The following PRKG1 variants were observed in gnomAD, a reference collection of about 807,000 sequenced individuals.
The protein encoded by PRKG1 is protein kinase cGMP-dependent 1.
Under a neutral mutation model 88.1 loss-of-function variants are expected in PRKG1, and 35 were observed. That is an observed-to-expected ratio of 0.40 (90% confidence interval 0.30 to 0.53). The LOEUF (loss-of-function observed/expected upper bound fraction) is 0.53. Ranked by LOEUF, PRKG1 falls within the 20% of genes least tolerant of loss-of-function variation. PRKG1 has a pLI of 0.59. For missense variants in PRKG1, 540 were observed against 839.8 expected (o/e 0.64, Z 4.41); for synonymous variants, 303 against 292.5 (o/e 1.04, Z -0.37).
chr10:51,284,985 G>A (rs1006649230), intron 2 of PRKG1, among the ~76,000 whole-genome samples: 4 of 144,046 alleles, frequency 2.8e-5, no homozygotes, highest in Admixed American at 1.4e-4. Flanking sequence ...ATGCTGGTGC[G>A]CTGCACCCAC....
chr10:51,019,726 T>G (rs1843111585), intron 1 of PRKG1, among the ~76,000 whole-genome samples: 1 of 150,602 alleles, frequency 6.6e-6, no homozygotes, highest in Non-Finnish European at 1.5e-5. Context: ...TGGGAGAAAA[T>G]ATTTGCAAAT....
intron 2 of PRKG1, among the ~76,000 whole-genome samples, chr10:51,386,195 G>A (rs1837244722): frequency 6.6e-6 from 1 of 152,102 alleles, no homozygotes; most frequent in Admixed American, 6.6e-5. Flanking sequence ...GGTGAACTGA[G>A]AGCAATAAAA....
chr10:52,192,113 T>A (rs1839379061), intron 9 of PRKG1, among the ~76,000 whole-genome samples: 1 of 152,210 alleles, frequency 6.6e-6, no homozygotes, highest in African/African-American at 2.4e-5. Context: ...TTTTTGGTAT[T>A]ATGAATTTGT....
intron 3 of PRKG1, among the ~76,000 whole-genome samples, chr10:51,684,959 G>A (rs1039468064): frequency 6.6e-6 from 1 of 151,952 alleles, no homozygotes; most frequent in African/African-American, 2.4e-5. Context: ...GGTTTTCATT[G>A]CCTCTATAAT....
chr10:50,996,544 A>G (rs1842838808), intron 1 of PRKG1, among the ~76,000 whole-genome samples: 1 of 152,218 alleles, frequency 6.6e-6, no homozygotes, highest in Non-Finnish European at 1.5e-5. Flanking sequence ...CTGCTGTGCC[A>G]GGCTGGAATT....
intron 4 of PRKG1, among the ~76,000 whole-genome samples, chr10:51,839,159 AC>A (rs1442437458): frequency 1.2e-4 from 11 of 92,754 alleles, no homozygotes; most frequent in Non-Finnish European, 2.2e-4. Context: ...TATTTTTTTA[AC>A]AGTTGGTTGA....
intron 3 of PRKG1, among the ~76,000 whole-genome samples, chr10:51,560,152 G>A (rs1278280361): frequency 1.3e-5 from 2 of 152,148 alleles, no homozygotes; most frequent in East Asian, 3.9e-4. Context: ...ATTTTCAATG[G>A]TAAAACAAAC....
chr10:51,029,102 G>A (rs1346142872), intron 1 of PRKG1, among the ~76,000 whole-genome samples: 1 of 152,058 alleles, frequency 6.6e-6, no homozygotes, highest in African/African-American at 2.4e-5. Flanking sequence ...TATTAAATTT[G>A]CAGTGTAAGG....
chr10:51,139,660 G>A (rs1327087002), intron 1 of PRKG1, among the ~76,000 whole-genome samples: 1 of 152,130 alleles, frequency 6.6e-6, no homozygotes, highest in African/African-American at 2.4e-5. Context: ...AAGTCCTATA[G>A]CGCCCACTTG....
chr10:51,598,087 A>T (rs1326355579), intron 3 of PRKG1, among the ~76,000 whole-genome samples: 1 of 152,184 alleles, frequency 6.6e-6, no homozygotes, highest in Non-Finnish European at 1.5e-5. Flanking sequence ...AGGAGCTAGC[A>T]TTGGTCATCA....
chr10:51,119,775 C>T (rs1845217183), intron 1 of PRKG1, among the ~76,000 whole-genome samples: 1 of 151,902 alleles, frequency 6.6e-6, no homozygotes, highest in African/African-American at 2.4e-5. Flanking sequence ...GAATTAAGTT[C>T]AGAGGTTTTG....
chr10:51,214,574 T>C (rs919561280), intron 2 of PRKG1, among the ~76,000 whole-genome samples: 1 of 152,078 alleles, frequency 6.6e-6, no homozygotes, highest in African/African-American at 2.4e-5. Context: ...CTCTCCTGCC[T>C]GGGCTCAAAT....
intron 4 of PRKG1, among the ~76,000 whole-genome samples, chr10:51,819,572 AT>A (rs763982312): frequency 6.6e-6 from 1 of 152,146 alleles, no homozygotes; most frequent in Non-Finnish European, 1.5e-5. Context: ...ATCCATGCCA[AT>A]TAGTTTGATC....
At chr10:52,051,739 G>T (rs1018799523) in intron 5 of PRKG1, among the ~76,000 whole-genome samples, 5 of 152,226 alleles carry the variant, frequency 3.3e-5, no homozygotes, top group African/African-American at 1.2e-4. Flanking sequence ...ATTGTGAAGA[G>T]AAGGGCCTTT....
chr10:51,942,868 G>A (rs1259210553), intron 5 of PRKG1, among the ~76,000 whole-genome samples: 1 of 150,648 alleles, frequency 6.6e-6, no homozygotes, highest in East Asian at 1.9e-4. Flanking sequence ...TTGTAGTATA[G>A]TTTGAAGTCA....
intron 4 of PRKG1, among the ~76,000 whole-genome samples, chr10:51,854,153 C>T (rs7080306): frequency 0.14 from 20,955 of 151,974 alleles, 2,503 homozygotes; most frequent in African/African-American, 0.32. Context: ...GTCATAGTCA[C>T]TCAGTCATTT....
At chr10:51,486,323 GT>G (rs1282610686) in intron 3 of PRKG1, among the ~76,000 whole-genome samples, 2 of 151,740 alleles carry the variant, frequency 1.3e-5, no homozygotes, top group Non-Finnish European at 2.9e-5. Flanking sequence ...CATCATATAA[GT>G]TGTATCTTGT....
At chr10:51,353,391 C>G (rs552185688) in intron 2 of PRKG1, among the ~76,000 whole-genome samples, 80 of 152,214 alleles carry the variant, frequency 5.3e-4, no homozygotes, top group South Asian at 1.7e-3. Context: ...TATTTTCAAA[C>G]TCTCCGTCTG....
At chr10:51,042,795 A>G (rs1450127770) in intron 1 of PRKG1, among the ~76,000 whole-genome samples, 3 of 152,106 alleles carry the variant, frequency 2.0e-5, no homozygotes, top group Admixed American at 6.5e-5. Context: ...CTAACTCCCA[A>G]TGTGATGGTA....
Sources: allele counts gnomAD v4.1 joint callset (sites outside exome capture counted in the v4.1 genomes callset), GRCh38; gene constraint gnomAD v4.1.1; transcripts MANE v1.5; gene names NCBI Gene and HGNC (gene_info 2026-07-23, HGNC 2026-07-21).